SPOCK1: variants seen among roughly 807,000 people sequenced by gnomAD.
The protein encoded by SPOCK1 is SPARC (osteonectin), cwcv and kazal like domains proteoglycan 1, also known as testican-1.
A neutral mutation model predicts 55.3 loss-of-function variants in SPOCK1; 23 were observed. The ratio of observed to expected loss-of-function variants is 0.42; its 90% confidence interval spans 0.30 to 0.59. The LOEUF is 0.59. Ranked by LOEUF, SPOCK1 falls within the 20% of genes least tolerant of loss-of-function variation. The pLI, the probability that SPOCK1 is intolerant of heterozygous loss-of-function variation, is 0.22. For synonymous variants in SPOCK1, 226 were observed against 221.0 expected, an observed-to-expected ratio of 1.02 and a Z score of -0.20; for missense variants, 499 against 552.5, an observed-to-expected ratio of 0.90 and a Z score of 0.97.
At chr5:137,038,264 C>T (rs866483758) in intron 6 of SPOCK1, among the ~76,000 whole-genome samples, 3 of 152,184 alleles carry the variant, frequency 2.0e-5, no homozygotes, top group South Asian at 2.1e-4. Context: ...TAGGGGAAAC[C>T]AGACCTCTGA....
At chr5:137,453,685 T>C (rs1346000515) in intron 2 of SPOCK1, among the ~76,000 whole-genome samples, 2 of 152,180 alleles carry the variant, frequency 1.3e-5, no homozygotes, top group African/African-American at 4.8e-5. Context: ...CCACGGACAG[T>C]TCCAATTAGC....
chr5:137,122,618 A>C (rs1753707176), intron 4 of SPOCK1, among the ~76,000 whole-genome samples: 1 of 152,218 alleles, frequency 6.6e-6, no homozygotes, highest in South Asian at 2.1e-4. Context: ...ATTGGAAAAA[A>C]GCAAATACTC....
chr5:137,077,048 TA>T (rs1389309455), intron 5 of SPOCK1, among the ~76,000 whole-genome samples: 17 of 152,186 alleles, frequency 1.1e-4, no homozygotes, highest in Middle Eastern at 3.4e-3. Context: ...CTCACCCTCC[TA>T]AGTAGCTGGG....
At chr5:137,238,012 C>T (rs529685182) in intron 3 of SPOCK1, among the ~76,000 whole-genome samples, 1 of 152,316 alleles carries the variant, frequency 6.6e-6, no homozygotes, top group East Asian at 1.9e-4. Context: ...TGAAGGAGAT[C>T]TAGATTTAAA....
At chr5:137,110,222 G>A (rs1753442323) in intron 5 of SPOCK1, among the ~76,000 whole-genome samples, 1 of 152,160 alleles carries the variant, frequency 6.6e-6, no homozygotes, top group Admixed American at 6.5e-5. Flanking sequence ...TCGGATATGT[G>A]GAAATTGACT....
intron 2 of SPOCK1, among the ~76,000 whole-genome samples, chr5:137,435,505 A>G (rs951704574): frequency 1.3e-5 from 2 of 152,016 alleles, no homozygotes; most frequent in Admixed American, 1.3e-4. Flanking sequence ...TTGATACACT[A>G]TTTTGTCTCC....
chr5:136,976,247 T>C lies in SPOCK1; in HGVS notation c.*2407A>G, dbSNP rs1580688566. 6.6e-6 allele frequency: 1 copy of C among 152,002 alleles called. No individual in the cohort carries two copies. The highest frequency in any genetic ancestry group is 1.5e-5 in the Non-Finnish European group (1 of 67,974). The allele number at this position is 152,002 out of a possible 1,614,324, so 9.4% of individuals were successfully genotyped here. The stretch of plus-strand genomic sequence containing the variant: ...TAATGTGGCTCCATCGATTTGGGGG[T>C]TCCAATCTGAGGAGGGCTTTTTATT... On this transcript the variant is annotated 3_prime_UTR_variant, in exon 11 of 11. Transcript: ENST00000394945.
intron 3 of SPOCK1, among the ~76,000 whole-genome samples, chr5:137,146,250 C>T (rs1452932066): frequency 6.6e-6 from 1 of 151,398 alleles, no homozygotes; most frequent in Non-Finnish European, 1.5e-5. Context: ...TCCTTCCTCC[C>T]TCTCCCCAGG....
chr5:137,227,102 G>T (rs13181157), intron 3 of SPOCK1, among the ~76,000 whole-genome samples: 59,910 of 152,062 alleles, frequency 0.39, 12,892 homozygotes, highest in Non-Finnish European at 0.47. Context: ...CAGAGAAGCT[G>T]CAAGAAATGA....
chr5:137,140,530 C>A, intron 4 of SPOCK1, 50 bp downstream of exon 4: 1 of 1,490,490 alleles, frequency 6.7e-7, no homozygotes. Context: ...CTCAGATCTG[C>A]CAGCTGCAGA....
intron 3 of SPOCK1, among the ~76,000 whole-genome samples, chr5:137,160,780 A>G (rs1285051486): frequency 7.1e-6 from 1 of 140,512 alleles, no homozygotes; most frequent in Non-Finnish European, 1.5e-5. Flanking sequence ...GTGGGAATGT[A>G]AACTAGTACA....
chr5:137,459,386 T>C (rs1247810925), intron 2 of SPOCK1, among the ~76,000 whole-genome samples: 5 of 151,170 alleles, frequency 3.3e-5, no homozygotes, highest in Non-Finnish European at 7.4e-5. Context: ...TTCCCATCAA[T>C]GAAGAGGTGG....
rs1464026724 is a variant in SPOCK1 at position 136,975,557 on chromosome 5, G to A, written c.*3097C>T. On this transcript the variant is annotated 3_prime_UTR_variant, in exon 11 of 11. Coordinates refer to ENST00000394945, the MANE Select transcript of SPOCK1 (RefSeq NM_004598.4). ...CAAACATCAGTGACTTTGAGAAAAA[G>A]TTATAAAAAGACCAAAACCACCCAC... The A allele has an allele frequency of 6.6e-6, 1 of 152,352 alleles. No homozygotes were observed. Among genetic ancestry groups the A allele is most frequent in the Non-Finnish European group, 1.5e-5 (1 of 68,052 alleles). The allele number at this position is 152,352 out of a possible 1,614,324, so 9.4% of individuals were successfully genotyped here. A position where few individuals can be genotyped will look rare whatever the true frequency, so the allele number is the denominator to read the frequency against.
chr5:137,276,196 G>C (rs918132005), intron 2 of SPOCK1, among the ~76,000 whole-genome samples: 1 of 152,220 alleles, frequency 6.6e-6, no homozygotes, highest in African/African-American at 2.4e-5. Context: ...AATGAACTAC[G>C]TTTTAATCCT....
intron 3 of SPOCK1, among the ~76,000 whole-genome samples, chr5:137,250,116 T>C (rs763425965): frequency 2.0e-5 from 3 of 152,224 alleles, no homozygotes; most frequent in Non-Finnish European, 4.4e-5. Flanking sequence ...TCATAACACA[T>C]GAAAATTTTA....
At chr5:137,005,557 G>A (rs144064469) in intron 6 of SPOCK1, among the ~76,000 whole-genome samples, 64 of 152,252 alleles carry the variant, frequency 4.2e-4, no homozygotes, top group Non-Finnish European at 8.2e-4. Flanking sequence ...ACTCAGGGGA[G>A]AGATAAGGAG....
intron 5 of SPOCK1, among the ~76,000 whole-genome samples, chr5:137,084,303 C>T (rs935527742): frequency 6.6e-6 from 1 of 151,922 alleles, no homozygotes; most frequent in African/African-American, 2.4e-5. Flanking sequence ...CTAAGGGTAT[C>T]CCTGAGCAGC....
At chr5:137,116,716 C>T (rs956979063) in intron 4 of SPOCK1, among the ~76,000 whole-genome samples, 1 of 152,116 alleles carries the variant, frequency 6.6e-6, no homozygotes, top group African/African-American at 2.4e-5. Flanking sequence ...GAGAATTAAA[C>T]TGTCCCAGCC....
intron 3 of SPOCK1, among the ~76,000 whole-genome samples, chr5:137,239,430 C>A (rs1756241696): frequency 6.6e-6 from 1 of 152,142 alleles, no homozygotes. Context: ...TTACCTGGCA[C>A]CGTGACCCAT....
Sources: allele counts gnomAD v4.1 joint callset (sites outside exome capture counted in the v4.1 genomes callset), GRCh38; gene constraint gnomAD v4.1.1; transcripts MANE v1.5; gene names NCBI Gene and HGNC (gene_info 2026-07-23, HGNC 2026-07-21).